Variants in GBF1 observed in about 807,000 individuals in gnomAD.
GBF1 encodes Golgi-specific brefeldin A-resistance guanine nucleotide exchange factor 1.
In GBF1, 114 loss-of-function variants were observed where a neutral mutation model predicts 210.5. The ratio of observed to expected loss-of-function variants is 0.54; its 90% CI spans 0.47 to 0.63. The LOEUF is 0.63. Ranked by LOEUF, GBF1 falls within the 30% of genes least tolerant of loss-of-function variation. The pLI is 0.00. For synonymous variants in GBF1, 850 were observed against 889.2 expected (o/e 0.96, Z 0.78); for missense variants, 1,851 against 2,357.7 (o/e 0.79, Z 4.45).
chr10:102,269,211 C>T (rs2074166651), intron 3 of GBF1, among the ~76,000 whole-genome samples: 1 of 152,200 alleles, frequency 6.6e-6, no homozygotes, highest in African/African-American at 2.4e-5. Flanking sequence ...CACAACTGAC[C>T]TTTCCTTGTT....
At chr10:102,288,652 A>G (rs549209151) in intron 3 of GBF1, among the ~76,000 whole-genome samples, 1 of 143,672 alleles carries the variant, frequency 7.0e-6, no homozygotes, top group South Asian at 2.4e-4. Context: ...CGGAGCTTGC[A>G]GTGAGCCGAG....
chr10:102,337,165 T>G (rs193141720), intron 3 of GBF1, among the ~76,000 whole-genome samples: 31 of 151,456 alleles, frequency 2.0e-4, no homozygotes, highest in Admixed American at 6.6e-4. Flanking sequence ...GATCACGAGG[T>G]CAGGAGGTCG....
intron 3 of GBF1, among the ~76,000 whole-genome samples, chr10:102,315,164 T>A (rs539828170): frequency 6.6e-6 from 1 of 152,352 alleles, no homozygotes; most frequent in Non-Finnish European, 1.5e-5. Context: ...AGTACTTACA[T>A]AGGACCTTTC....
chr10:102,379,812 C>G (rs776007806), intron 35 of GBF1, 41 bp from the exon 36 acceptor site: 3 of 1,532,060 alleles, frequency 2.0e-6, no homozygotes, highest in Non-Finnish European at 2.7e-6. Context: ...GGCTGCCTAG[C>G]TGAACCTCAT....
intron 8 of GBF1, among the ~76,000 whole-genome samples, chr10:102,355,970 C>T (rs979426882): frequency 1.1e-4 from 16 of 152,182 alleles, no homozygotes; most frequent in Admixed American, 5.2e-4. Flanking sequence ...TTAGCTATAG[C>T]GGTCAGTACG....
At chr10:102,322,216 C>G (rs1475453269) in intron 3 of GBF1, among the ~76,000 whole-genome samples, 1 of 152,214 alleles carries the variant, frequency 6.6e-6, no homozygotes, top group Non-Finnish European at 1.5e-5. Context: ...GTTCTTCTTT[C>G]ACATGAAGTA....
rs902564707 is a variant in GBF1, at chr10:102,366,569, A to G, written c.2433+63A>G. On this transcript the variant is annotated intron_variant, in intron 19 of 39. Coordinates refer to ENST00000369983, the MANE Select transcript of GBF1 (RefSeq NM_001377137.1). This position sits in a 1 kb window ranked among gnomAD's most constrained non-coding sequence, Gnocchi z 4.0. Reference sequence around the variant, plus strand: ...GGTCAGTTTGACTGAGGGCTGAAGAATCCAGCTGCTGTCTCTTTTTTTTTT... The same window carrying G: ...GGTCAGTTTGACTGAGGGCTGAAGAGTCCAGCTGCTGTCTCTTTTTTTTTT... The G allele has an allele frequency of 5.8e-5, 80 of 1,378,346 alleles. No individual in the cohort carries two copies. The highest frequency in any genetic ancestry group is 7.9e-5 in the Non-Finnish European group (79 of 996,410). 85.4% of individuals were successfully genotyped at this position (1,378,346 alleles called of 1,614,324 possible).
intron 29 of GBF1, among the ~76,000 whole-genome samples, chr10:102,373,327 C>A (rs1221099712): frequency 1.3e-5 from 2 of 152,208 alleles, no homozygotes; most frequent in Non-Finnish European, 2.9e-5. Flanking sequence ...GTAAGCCCAG[C>A]ACTTTGGGAG....
chr10:102,237,900 T>C, the GBF1 span, among the ~76,000 whole-genome samples: 1 of 151,202 alleles, frequency 6.6e-6, no homozygotes, highest in South Asian at 2.1e-4. Context: ...CACCCCACTA[T>C]GAGAAGCAAT....
At position 102,368,449 on chromosome 10, in the gene GBF1, C is replaced by A; in HGVS notation, c.2874C>A (p.Gly958=). ...EETIIQKAIS[G]FRKCAMISAH... is the part of the protein sequence containing the mutation. ...CAATCATCCAGAAAGCCATCTCAGG[C>A]TTCAGGTAGCCCAGCTTTGGCCTTG... Residue 958 remains glycine (G), a synonymous_variant, in exon 22 of 40, where the codon GGC becomes GGA. Transcript: ENST00000369983. 6.3e-7 allele frequency: 1 copy of A among 1,578,534 alleles called. No homozygotes were observed. The highest frequency in any genetic ancestry group is 8.7e-7 in the Non-Finnish European group (1 of 1,147,798).
intron 3 of GBF1, among the ~76,000 whole-genome samples, chr10:102,332,405 CAG>C (rs1460314630): frequency 6.9e-6 from 1 of 144,512 alleles, no homozygotes; most frequent in Non-Finnish European, 1.5e-5. Flanking sequence ...TTTTTTGAAA[CAG>C]AGTCTTGCTG....
At chr10:102,233,208 G>A in the GBF1 span, among the ~76,000 whole-genome samples, 3 of 151,824 alleles carry the variant, frequency 2.0e-5, no homozygotes, top group Admixed American at 6.6e-5. Flanking sequence ...GGACTCAGCT[G>A]CGGTTCTAGC....
intron 3 of GBF1, among the ~76,000 whole-genome samples, chr10:102,304,731 G>A (rs1219989317): frequency 3.3e-5 from 5 of 151,714 alleles, no homozygotes; most frequent in Non-Finnish European, 5.9e-5. Context: ...CTGAGATTGT[G>A]CTACTCCACT....
At chr10:102,334,245 G>A (rs1354597757) in intron 3 of GBF1, among the ~76,000 whole-genome samples, 1 of 152,188 alleles carries the variant, frequency 6.6e-6, no homozygotes, top group African/African-American at 2.4e-5. Flanking sequence ...CTTTTTCCTT[G>A]TCAGCGTAAT....
chr10:102,239,267 G>A, the GBF1 span, among the ~76,000 whole-genome samples: 5 of 152,214 alleles, frequency 3.3e-5, no homozygotes, highest in African/African-American at 1.2e-4. Context: ...GTGGGAAAAG[G>A]TTCTGTCTTT....
At chr10:102,311,775 A>G (rs994685688) in intron 3 of GBF1, among the ~76,000 whole-genome samples, 1 of 152,104 alleles carries the variant, frequency 6.6e-6, no homozygotes. Context: ...AATTTCCCCA[A>G]AGTTGAACTA....
At chr10:102,335,422 T>C (rs1451779148) in intron 3 of GBF1, among the ~76,000 whole-genome samples, 3 of 152,182 alleles carry the variant, frequency 2.0e-5, no homozygotes, top group Non-Finnish European at 2.9e-5. Flanking sequence ...TCAGCCTGCT[T>C]ACTATGAGCA....
Position 102,361,149 on chromosome 10 carries a change from G to A in GBF1, c.1491+29G>A, listed in dbSNP as rs762519506. The A allele has an allele frequency of 4.2e-6, 5 of 1,196,062 alleles. No individual in the cohort carries two copies. In the East Asian group the frequency reaches 9.3e-5, roughly 22 times the overall value. The allele number at this position is 1,196,062 out of a possible 1,614,324, so 74.1% of individuals were successfully genotyped here. On this transcript the variant is annotated intron_variant, in intron 13 of 39. Transcript: ENST00000369983. ...AGTTTCTTGATGTGGAAAGAAAAGG[G>A]GGAAAAAAAATAGGGAGATATATGG...
chr10:102,273,939 A>C (rs975727280), intron 3 of GBF1, among the ~76,000 whole-genome samples: 13 of 152,226 alleles, frequency 8.5e-5, no homozygotes, highest in African/African-American at 3.1e-4. Flanking sequence ...ATATCATGTT[A>C]GACATGGCCA....
Sources: gnomAD v4.1 joint callset for allele counts (sites outside exome capture counted in the v4.1 genomes callset) on GRCh38, gnomAD v4.1.1 for gene constraint, Gnocchi (gnomAD v3.1) non-coding constraint, MANE v1.5 for transcripts, NCBI Gene and HGNC (gene_info 2026-07-23, HGNC 2026-07-21) for gene names.